CTNND2: variants seen among roughly 807,000 people sequenced by gnomAD.
The protein encoded by CTNND2 is catenin delta-2.
In CTNND2, 22 loss-of-function variants were observed where a neutral mutation model predicts 144.4. That is an observed-to-expected ratio of 0.15 (90% CI 0.11 to 0.22). The LOEUF is 0.22. Among genes scored for constraint, CTNND2 ranks in the 10% least tolerant of loss-of-function variants. The pLI is 1.00. For missense variants in CTNND2, 1,353 were observed against 1,618.8 expected (o/e 0.84, Z 2.82); for synonymous variants, 751 against 695.6 (o/e 1.08, Z -1.25).
intron 2 of CTNND2, among the ~76,000 whole-genome samples, chr5:11,600,515 GACC>G (rs1779731294): frequency 6.6e-6 from 1 of 151,796 alleles, no homozygotes; most frequent in Non-Finnish European, 1.5e-5. Context: ...AGACCAGTTT[GACC>G]AACATAGTGA....
intron 3 of CTNND2, among the ~76,000 whole-genome samples, chr5:11,426,523 G>A (rs972798089): frequency 6.6e-6 from 1 of 152,198 alleles, no homozygotes; most frequent in African/African-American, 2.4e-5. Flanking sequence ...AAGGAGATAC[G>A]CACAATCCAC....
intron 16 of CTNND2, among the ~76,000 whole-genome samples, chr5:11,039,005 A>G (rs999417111): frequency 6.6e-6 from 1 of 152,248 alleles, no homozygotes; most frequent in Non-Finnish European, 1.5e-5. Flanking sequence ...CAGCGTGCAC[A>G]TCATGTGCTT....
intron 1 of CTNND2, among the ~76,000 whole-genome samples, chr5:11,790,489 A>G (rs1425109200): frequency 6.6e-6 from 1 of 152,168 alleles, no homozygotes; most frequent in Non-Finnish European, 1.5e-5. Context: ...TAAAATGAAC[A>G]TAATTCCTAC....
At chr5:11,471,586 G>A (rs1767242503) in intron 3 of CTNND2, among the ~76,000 whole-genome samples, 2 of 152,232 alleles carry the variant, frequency 1.3e-5, no homozygotes, top group Non-Finnish European at 2.9e-5. Flanking sequence ...AACAAATTGA[G>A]AGCACTTGAT....
At chr5:11,305,791 G>A (rs1750129272) in intron 9 of CTNND2, among the ~76,000 whole-genome samples, 1 of 152,230 alleles carries the variant, frequency 6.6e-6, no homozygotes, top group South Asian at 2.1e-4. Flanking sequence ...TGAGGATTCA[G>A]AACGTGTTCT....
intron 2 of CTNND2, among the ~76,000 whole-genome samples, chr5:11,709,569 A>AT (rs1029453583): frequency 7.2e-5 from 11 of 152,150 alleles, no homozygotes; most frequent in African/African-American, 2.7e-4. Flanking sequence ...ACAGTTAGTT[A>AT]TTTTTTTCTG....
Position 11,671,815 on chromosome 5 carries a change from C to T in CTNND2, c.174+60321G>A, listed in dbSNP as rs528292564. Among the ~76,000 whole-genome samples, 103 of 152,144 alleles carry T rather than the reference C, an allele frequency of 6.8e-4. No homozygotes were observed. The Middle Eastern group carries it at 0.01, about 15-fold the overall frequency. On this transcript the variant is annotated intron_variant, in intron 2 of 21. Transcript: ENST00000304623. ...AACTCATTCTCCATCCAGTTTTGTT[C>T]CCTTGCTGGCGAGGAGCTGTGATCC...
chr5:11,301,316 C>T (rs535799340), intron 9 of CTNND2, among the ~76,000 whole-genome samples: 10 of 152,112 alleles, frequency 6.6e-5, no homozygotes, highest in Non-Finnish European at 1.5e-4. Flanking sequence ...CGCGCCCGGC[C>T]CCCATCTGCT....
At position 11,839,979 on chromosome 5, in the gene CTNND2, T is replaced by C. The variant is rs796291137; in HGVS notation, c.37+63838A>G. Among the ~76,000 whole-genome samples, 6 of 152,340 alleles carry C rather than the reference T, an allele frequency of 3.9e-5. No homozygotes were observed. The South Asian group carries it at 1.2e-3, about 32-fold the overall frequency. On this transcript the variant is annotated intron_variant, in intron 1 of 21. Transcript: ENST00000304623. ...CATAAAGAGACATCTTAAATGTTAGTGATCATTCTCTGAATCCAAAATTCA... is the reference window on the plus strand; with the variant it reads ...CATAAAGAGACATCTTAAATGTTAGCGATCATTCTCTGAATCCAAAATTCA...
chr5:11,164,211 C>T (rs1055969104), intron 11 of CTNND2, among the ~76,000 whole-genome samples: 1 of 152,158 alleles, frequency 6.6e-6, no homozygotes, highest in Admixed American at 6.5e-5. Context: ...ATAATCTCCC[C>T]ATTTGAAGCC....
chr5:11,215,772 C>T (rs1056758557), intron 10 of CTNND2, among the ~76,000 whole-genome samples: 1 of 152,028 alleles, frequency 6.6e-6, no homozygotes, highest in African/African-American at 2.4e-5. Context: ...TGGAAGACTA[C>T]CAAAAGGGGG....
chr5:11,488,731 C>T (rs249240), intron 3 of CTNND2, among the ~76,000 whole-genome samples: 47,601 of 151,930 alleles, frequency 0.31, 7,592 homozygotes, highest in South Asian at 0.39. Context: ...ACCCCAAACC[C>T]TAGCAATCTA....
chr5:11,470,976 ATATAT>A (rs1245667820), intron 3 of CTNND2, among the ~76,000 whole-genome samples: 3 of 95,186 alleles, frequency 3.2e-5, no homozygotes, highest in African/African-American at 6.2e-5. Flanking sequence ...ATATATATAT[ATATAT>A]TTTTTTTTTT....
At position 11,164,777 on chromosome 5, in the gene CTNND2, C is replaced by T. The variant is rs61757195; in HGVS notation, c.1976-5018G>A. ...TCCTGGATCAGTCTAGTCTACCTTC[C>T]CAGATGCTTGCTGTCAGATCTCCTA... On this transcript the variant is annotated intron_variant, in intron 11 of 21. Transcript: ENST00000304623. 2.3e-3 allele frequency among the ~76,000 whole-genome samples: 350 copies of T among 152,278 alleles called. 2 individuals are homozygous for T. The highest frequency in any genetic ancestry group is 8.0e-3 in the African/African-American group (333 of 41,544).
intron 9 of CTNND2, among the ~76,000 whole-genome samples, chr5:11,262,665 A>G (rs1169364152): frequency 6.0e-5 from 9 of 149,234 alleles, no homozygotes; most frequent in Admixed American, 1.3e-4. Flanking sequence ...GGGAGGCTGA[A>G]GCAGGAGAAT....
chr5:11,793,244 A>G (rs1490554192), intron 1 of CTNND2, among the ~76,000 whole-genome samples: 1 of 152,076 alleles, frequency 6.6e-6, no homozygotes, highest in Admixed American at 6.6e-5. Flanking sequence ...TGCTCTGCCT[A>G]CTTGCTCCTC....
At chr5:11,003,382 A>C (rs1374869868) in intron 18 of CTNND2, among the ~76,000 whole-genome samples, 1 of 152,252 alleles carries the variant, frequency 6.6e-6, no homozygotes, top group Admixed American at 6.5e-5. Flanking sequence ...TAACCAGCTA[A>C]GACATTAATG....
chr5:11,881,163 T>C (rs1736084307), intron 1 of CTNND2, among the ~76,000 whole-genome samples: 1 of 151,882 alleles, frequency 6.6e-6, no homozygotes, highest in African/African-American at 2.4e-5. Context: ...TCATTTAATT[T>C]TTAATTGCCA....
At chr5:11,878,834 G>A (rs1413974257) in intron 1 of CTNND2, among the ~76,000 whole-genome samples, 1 of 152,176 alleles carries the variant, frequency 6.6e-6, no homozygotes, top group Non-Finnish European at 1.5e-5. Context: ...TGTGGACATT[G>A]GGGCACCATC....
Sources: allele counts gnomAD v4.1 joint callset (sites outside exome capture counted in the v4.1 genomes callset), GRCh38; gene constraint gnomAD v4.1.1; transcripts MANE v1.5; gene names NCBI Gene and HGNC (gene_info 2026-07-23, HGNC 2026-07-21).